STK33: variants seen among roughly 807,000 people sequenced by gnomAD.
The protein encoded by STK33 is serine/threonine kinase 33.
In STK33, 52 loss-of-function variants were observed where a neutral mutation model predicts 58.0. The ratio of observed to expected loss-of-function variants is 0.90; its 90% CI spans 0.72 to 1.13. STK33 has a LOEUF of 1.13. Ranked by LOEUF, STK33 falls within the 50% of genes most tolerant of loss-of-function variation. The probability of loss-of-function intolerance (pLI) is 0.00; values close to 1 mark genes in which losing one functional copy is unlikely to be tolerated. For synonymous variants in STK33, 215 were observed against 200.1 expected (o/e 1.07, Z -0.63); for missense variants, 630 against 604.2 (o/e 1.04, Z -0.45).
chr11:8,356,061 G>T, the STK33 span, among the ~76,000 whole-genome samples: 6 of 152,244 alleles, frequency 3.9e-5, no homozygotes, highest in Non-Finnish European at 7.3e-5. Context: ...GTAACAGGGG[G>T]TGCAGGGGTG....
At chr11:8,346,237 G>A in the STK33 span, among the ~76,000 whole-genome samples, 1 of 152,228 alleles carries the variant, frequency 6.6e-6, no homozygotes, top group Non-Finnish European at 1.5e-5. Context: ...CCAGGGAGAG[G>A]AGCCAGGTCG....
rs955321090 is a variant in STK33 at position 8,510,060 on chromosome 11, GTTCT to G, written c.-465-29450_-465-29447del. ...AGATCAAATGGTAGTTCTACTTTTG[GTTCT>G]TTAAGAAATCTCTATCTTGTTTTCC... On this transcript the variant is annotated intron_variant, in intron 1 of 15. Transcript: ENST00000687296. 7.6e-4 allele frequency among the ~76,000 whole-genome samples: 116 copies of G among 152,124 alleles called. 11 individuals are homozygous for G. The highest frequency in any genetic ancestry group is 8.8e-5 in the Non-Finnish European group (6 of 68,000).
rs549117981 is a variant in STK33 at position 8,572,565 on chromosome 11, A to C, written c.-466+21518T>G. ...AGAAATACATAAACATGATGAGAAAAATGAAAGATTTTTTATTTATTTTAT... is the reference window on the plus strand; with the variant it reads ...AGAAATACATAAACATGATGAGAAACATGAAAGATTTTTTATTTATTTTAT... On this transcript the variant is annotated intron_variant, in intron 1 of 15. Transcript: ENST00000687296. 1.5e-3 allele frequency among the ~76,000 whole-genome samples: 222 copies of C among 152,220 alleles called. 2 individuals carry two copies. Among genetic ancestry groups the C allele is most frequent in the African/African-American group, 5.2e-3 (217 of 41,542 alleles).
intron 15 of STK33, among the ~76,000 whole-genome samples, chr11:8,396,596 G>A (rs1189402142): frequency 6.6e-6 from 1 of 152,198 alleles, no homozygotes; most frequent in Non-Finnish European, 1.5e-5. Context: ...GAGGTACCAG[G>A]TTCATCTCAC....
chr11:8,372,831 G>A, the STK33 span, among the ~76,000 whole-genome samples: 7,444 of 152,310 alleles, frequency 0.049, 246 homozygotes, highest in Non-Finnish European at 0.07. Context: ...AGGGCGTGGC[G>A]GCCTCTTCCG....
chr11:8,569,407 T>C (rs902791958), intron 1 of STK33, among the ~76,000 whole-genome samples: 1 of 152,046 alleles, frequency 6.6e-6, no homozygotes, highest in East Asian at 1.9e-4. Flanking sequence ...TGTATATCCA[T>C]AAGGGAAAAA....
intron 15 of STK33, among the ~76,000 whole-genome samples, chr11:8,411,534 A>T (rs1940243582): frequency 6.6e-6 from 1 of 152,228 alleles, no homozygotes; most frequent in Non-Finnish European, 1.5e-5. Flanking sequence ...CCATTGTTTC[A>T]AAAGGTGTGA....
intron 1 of STK33, among the ~76,000 whole-genome samples, chr11:8,537,806 T>A (rs1955161949): frequency 1.0e-5 from 1 of 98,652 alleles, no homozygotes; most frequent in African/African-American, 4.4e-5. Flanking sequence ...CGAGACTCTG[T>A]TTCAAAAAAA....
chr11:8,343,189 T>A, the STK33 span, among the ~76,000 whole-genome samples: 2 of 152,204 alleles, frequency 1.3e-5, no homozygotes, highest in Admixed American at 6.5e-5. Context: ...CCAATGAGCA[T>A]GAGGGGGCAG....
chr11:8,493,131 AC>A (rs1950765588), intron 1 of STK33, among the ~76,000 whole-genome samples: 1 of 152,142 alleles, frequency 6.6e-6, no homozygotes, highest in Non-Finnish European at 1.5e-5. Flanking sequence ...GACACAAAAA[AC>A]CCTTCAAAAA....
intron 11 of STK33, among the ~76,000 whole-genome samples, chr11:8,445,781 C>G (rs1396121418): frequency 3.3e-5 from 5 of 152,152 alleles, no homozygotes; most frequent in Non-Finnish European, 4.4e-5. Context: ...ATTCAGTTTG[C>G]CAGTATTTTA....
chr11:8,373,391 T>G, the STK33 span, among the ~76,000 whole-genome samples: 1 of 151,868 alleles, frequency 6.6e-6, no homozygotes, highest in South Asian at 2.1e-4. Context: ...CCAGATGATT[T>G]TGATAGGACA....
chr11:8,510,213 ATCTC>A (rs1952200070), intron 1 of STK33, among the ~76,000 whole-genome samples: 1 of 152,174 alleles, frequency 6.6e-6, no homozygotes, highest in East Asian at 1.9e-4. Context: ...GGAGTAAGGT[ATCTC>A]ATTGTGGTTT....
At chr11:8,551,467 C>T (rs926484809) in intron 1 of STK33, among the ~76,000 whole-genome samples, 25 of 152,104 alleles carry the variant, frequency 1.6e-4, no homozygotes, top group African/African-American at 5.3e-4. Flanking sequence ...CATAGATCTT[C>T]AATGCTTCTG....
At chr11:8,463,429 A>C (rs1947811430) in intron 7 of STK33, among the ~76,000 whole-genome samples, 1 of 152,150 alleles carries the variant, frequency 6.6e-6, no homozygotes, top group African/African-American at 2.4e-5. Flanking sequence ...TCAGGTGGTG[A>C]TGTTCACTCG....
intron 1 of STK33, among the ~76,000 whole-genome samples, chr11:8,493,638 CA>C (rs1442700057): frequency 6.6e-6 from 1 of 151,992 alleles, no homozygotes; most frequent in Non-Finnish European, 1.5e-5. Flanking sequence ...GGCAGAGACA[CA>C]ACAAAAAAAG....
chr11:8,517,575 G>T (rs1248368038), intron 1 of STK33, among the ~76,000 whole-genome samples: 1 of 152,144 alleles, frequency 6.6e-6, no homozygotes, highest in African/African-American at 2.4e-5. Context: ...CCATTGCAAA[G>T]AAGCTAAAAA....
chr11:8,410,269 GA>G (rs2135553275), intron 15 of STK33, among the ~76,000 whole-genome samples: 1 of 151,892 alleles, frequency 6.6e-6, no homozygotes, highest in Admixed American at 6.6e-5. Flanking sequence ...TCTTGTCTTT[GA>G]AAAAATGTTT....
intron 1 of STK33, among the ~76,000 whole-genome samples, chr11:8,558,521 A>G (rs1419733288): frequency 6.6e-6 from 1 of 152,210 alleles, no homozygotes; most frequent in Non-Finnish European, 1.5e-5. Context: ...CCTGAAGTTT[A>G]CTTATAGATA....
Sources: gnomAD v4.1 joint callset for allele counts (sites outside exome capture counted in the v4.1 genomes callset) on GRCh38, gnomAD v4.1.1 for gene constraint, MANE v1.5 for transcripts, NCBI Gene and HGNC (gene_info 2026-07-23, HGNC 2026-07-21) for gene names.